Variants in CFAP91 observed in about 807,000 individuals in gnomAD.
CFAP91 encodes the protein cilia and flagella associated protein 91, also known as cilia- and flagella-associated protein 91.
A neutral mutation model predicts 95.9 loss-of-function variants in CFAP91; 85 were observed. The ratio of observed to expected loss-of-function variants is 0.89; its 90% CI spans 0.74 to 1.06. The LOEUF (loss-of-function observed/expected upper bound fraction) is 1.06, where lower values mean the gene tolerates loss of function less well. Among genes scored for constraint, CFAP91 ranks in the 50% least tolerant of loss-of-function variants. The probability of loss-of-function intolerance (pLI) is 0.00; values close to 1 mark genes in which losing one functional copy is unlikely to be tolerated. For synonymous variants in CFAP91, 335 were observed against 327.5 expected (o/e 1.02, Z -0.25); for missense variants, 962 against 943.4 (o/e 1.02, Z -0.26).
chr3:119,719,161 G>A (rs1403981727), intron 6 of CFAP91, among the ~76,000 whole-genome samples: 1 of 152,248 alleles, frequency 6.6e-6, no homozygotes, highest in Middle Eastern at 3.4e-3. Flanking sequence ...GTATATAATT[G>A]CGTATATAAT....
At chr3:119,730,106 G>A in intron 7 of CFAP91, 114 bp from the exon 8 acceptor site, 1 of 1,122,350 alleles carries the variant, frequency 8.9e-7, no homozygotes, top group Non-Finnish European at 1.3e-6. Context: ...TGGTCTTTTG[G>A]CAATACATGA....
intron 11 of CFAP91, among the ~76,000 whole-genome samples, chr3:119,737,739 G>A (rs1291763495): frequency 6.6e-6 from 1 of 152,172 alleles, no homozygotes; most frequent in Non-Finnish European, 1.5e-5. Context: ...GCATCAGAAG[G>A]TAGTGCTCAT....
intron 4 of CFAP91, among the ~76,000 whole-genome samples, chr3:119,709,082 A>G (rs2053427881): frequency 6.6e-6 from 1 of 152,240 alleles, no homozygotes; most frequent in African/African-American, 2.4e-5. Context: ...TTGTGTTCAA[A>G]GGGATAACAT....
chr3:119,751,776 C>T (rs1370660812), intron 17 of CFAP91, among the ~76,000 whole-genome samples: 2 of 152,146 alleles, frequency 1.3e-5, no homozygotes, highest in Non-Finnish European at 2.9e-5. Context: ...CGGGTGGGTA[C>T]AGGAGCTGCC....
intron 17 of CFAP91, among the ~76,000 whole-genome samples, chr3:119,761,581 C>G (rs575285855): frequency 1.3e-5 from 2 of 151,634 alleles, no homozygotes; most frequent in Non-Finnish European, 3.0e-5. Context: ...AACGTGGATG[C>G]AAAAATTCTC....
At chr3:119,734,531 A>G (rs1031196152) in intron 10 of CFAP91, among the ~76,000 whole-genome samples, 5 of 152,196 alleles carry the variant, frequency 3.3e-5, no homozygotes, top group Admixed American at 2.6e-4. Context: ...TCAAATGTTT[A>G]TCACACAATT....
intron 6 of CFAP91, among the ~76,000 whole-genome samples, chr3:119,716,656 G>T (rs998651755): frequency 5.3e-5 from 8 of 152,182 alleles, no homozygotes; most frequent in Non-Finnish European, 1.0e-4. Flanking sequence ...GTGCGATCTT[G>T]GCTCACTGCA....
intron 17 of CFAP91, among the ~76,000 whole-genome samples, chr3:119,761,673 A>G (rs562331293): frequency 6.6e-6 from 1 of 152,070 alleles, no homozygotes; most frequent in African/African-American, 2.4e-5. Context: ...AGATGCAAGA[A>G]TGGCTCAACA....
At chr3:119,759,960 A>G (rs1437588020) in intron 17 of CFAP91, among the ~76,000 whole-genome samples, 3 of 151,906 alleles carry the variant, frequency 2.0e-5, no homozygotes, top group Non-Finnish European at 4.4e-5. Context: ...GCAAGAGAGG[A>G]AGAAAGGAAT....
chr3:119,758,831 C>T (rs1458487169), intron 17 of CFAP91, among the ~76,000 whole-genome samples: 1 of 152,046 alleles, frequency 6.6e-6, no homozygotes, highest in South Asian at 2.1e-4. Context: ...TCTAATTACA[C>T]ATCACTATTA....
intron 16 of CFAP91, chr3:119,749,054 C>T (rs1318510652): frequency 1.3e-5 from 2 of 152,256 alleles, no homozygotes; most frequent in East Asian, 3.9e-4. Context: ...TAATATATTT[C>T]TGTGTCACAT....
rs998095791 is a variant in CFAP91, at chr3:119,765,830, A to G, written c.*780A>G. The G allele has an allele frequency of 3.3e-5, 5 of 152,232 alleles. No homozygotes were observed. The highest frequency in any genetic ancestry group is 1.2e-4 in the African/African-American group (5 of 41,472). The allele number at this position is 152,232 out of a possible 1,614,324, so 9.4% of individuals were successfully genotyped here. Reference sequence around the variant, plus strand: ...AACATGGAGTCCAAGTAATGAATTTATAGAGGAAAATGTATGCTACTCTGA... The same window carrying G: ...AACATGGAGTCCAAGTAATGAATTTGTAGAGGAAAATGTATGCTACTCTGA... On this transcript the variant is annotated 3_prime_UTR_variant, in exon 18 of 18. Transcript: ENST00000273390.
At chr3:119,761,855 C>T (rs2054543846) in intron 17 of CFAP91, among the ~76,000 whole-genome samples, 1 of 151,712 alleles carries the variant, frequency 6.6e-6, no homozygotes, top group East Asian at 1.9e-4. Flanking sequence ...TAGTAAAGTC[C>T]ATATATGACA....
At chr3:119,710,040 C>A in intron 5 of CFAP91, 145 bp downstream of exon 5, 1 of 626,352 alleles carries the variant, frequency 1.6e-6, no homozygotes, top group Admixed American at 3.0e-5. Flanking sequence ...TCTAGTGTGT[C>A]ATGAGCAGCA....
chr3:119,749,608 A>G (rs1397970359), intron 16 of CFAP91, among the ~76,000 whole-genome samples: 2 of 152,164 alleles, frequency 1.3e-5, no homozygotes, highest in African/African-American at 4.8e-5. Flanking sequence ...ACTTGAGCTA[A>G]CGGAATCCAG....
At position 119,730,340 on chromosome 3, in the gene CFAP91, G is replaced by A. The variant is rs1393001752; in HGVS notation, c.981G>A (p.Glu327=). The A allele has an allele frequency of 5.6e-6, 9 of 1,614,032 alleles. No homozygotes were observed. The South Asian group carries it at 6.6e-5, about 12-fold the overall frequency. The change falls in exon 8 of 18, where the codon GAG becomes GAA. Residue 327 remains glutamate (E), a synonymous_variant. Coordinates refer to ENST00000273390, the MANE Select transcript of CFAP91 (RefSeq NM_033364.4). The part of the protein sequence containing the change: ...ARWSKLQEGK[E]AKMAKIQRTH... ...GGTCTAAACTGCAGGAGGGAAAAGA[G>A]GCAAAAATGGCAAAAATTCAGCGCA...
intron 3 of CFAP91, 50 bp from the exon 4 acceptor site, chr3:119,708,541 A>G: frequency 8.3e-7 from 1 of 1,203,242 alleles, no homozygotes; most frequent in Admixed American, 1.8e-5. Context: ...AATAGAAATT[A>G]TATGTGGAAA....
intron 14 of CFAP91, 119 bp from the exon 15 acceptor site, chr3:119,746,996 C>T: frequency 1.4e-6 from 1 of 719,884 alleles, no homozygotes; most frequent in Non-Finnish European, 2.2e-6. Flanking sequence ...AGTGAAGGGA[C>T]TGTTGACTTA....
intron 11 of CFAP91, among the ~76,000 whole-genome samples, chr3:119,738,760 G>T (rs2054061167): frequency 6.6e-6 from 1 of 152,056 alleles, no homozygotes; most frequent in Admixed American, 6.6e-5. Context: ...TTCTGCTTTG[G>T]ACACAGAGTT....
Sources: gnomAD v4.1 joint callset for allele counts (sites outside exome capture counted in the v4.1 genomes callset) on GRCh38, gnomAD v4.1.1 for gene constraint, MANE v1.5 for transcripts, NCBI Gene and HGNC (gene_info 2026-07-23, HGNC 2026-07-21) for gene names.